LDLRAD4: variants seen among roughly 807,000 people sequenced by gnomAD.
LDLRAD4 encodes low-density lipoprotein receptor class A domain-containing protein 4.
Under a neutral mutation model 17.0 loss-of-function variants are expected in LDLRAD4, and 5 were observed. The ratio of observed to expected loss-of-function variants is 0.29; its 90% CI spans 0.15 to 0.62. LDLRAD4 has a LOEUF of 0.62. Among genes scored for constraint, LDLRAD4 ranks in the 20% least tolerant of loss-of-function variants. The pLI is 0.84. For synonymous variants in LDLRAD4, 168 were observed against 171.8 expected, an observed-to-expected ratio of 0.98 and a Z score of 0.17; for missense variants, 340 against 424.7, an observed-to-expected ratio of 0.80 and a Z score of 1.75.
intron 3 of LDLRAD4, among the ~76,000 whole-genome samples, chr18:13,591,687 G>C (rs1222867770): frequency 1.3e-5 from 2 of 152,124 alleles, no homozygotes; most frequent in Non-Finnish European, 2.9e-5. Context: ...CCGCAGATTG[G>C]ATGCAATCTG....
At chr18:13,320,906 G>T (rs1239675148) in intron 1 of LDLRAD4, among the ~76,000 whole-genome samples, 1 of 152,182 alleles carries the variant, frequency 6.6e-6, no homozygotes, top group African/African-American at 2.4e-5. Context: ...CCCTCCAGAA[G>T]GTGGCTCCTC....
At chr18:13,311,866 C>G (rs1282405107) in intron 1 of LDLRAD4, among the ~76,000 whole-genome samples, 1 of 145,978 alleles carries the variant, frequency 6.9e-6, no homozygotes, top group Non-Finnish European at 1.5e-5. Context: ...GAGTCTTGCT[C>G]TGTTGCCCAG....
intron 3 of LDLRAD4, among the ~76,000 whole-genome samples, chr18:13,527,818 G>T (rs746739236): frequency 6.6e-6 from 1 of 152,182 alleles, no homozygotes; most frequent in Non-Finnish European, 1.5e-5. Context: ...GGCCACCATG[G>T]CCTTCACAGA....
intron 3 of LDLRAD4, among the ~76,000 whole-genome samples, chr18:13,453,176 T>C (rs563289700): frequency 6.6e-6 from 1 of 152,266 alleles, no homozygotes; most frequent in East Asian, 1.9e-4. Context: ...AAACAGATGA[T>C]GGTGGACTTT....
At chr18:13,454,895 CAT>C (rs1384034762) in intron 3 of LDLRAD4, among the ~76,000 whole-genome samples, 1 of 152,272 alleles carries the variant, frequency 6.6e-6, no homozygotes, top group Non-Finnish European at 1.5e-5. Flanking sequence ...ATTCATCAGG[CAT>C]CCCACTTGGC....
chr18:13,499,884 C>T (rs146139000), intron 3 of LDLRAD4, among the ~76,000 whole-genome samples: 362 of 152,334 alleles, frequency 2.4e-3, no homozygotes, highest in African/African-American at 8.5e-3. Flanking sequence ...TCTCAGCTGT[C>T]CTTCCAGTAT....
At chr18:13,624,404 G>A (rs941697345) in intron 4 of LDLRAD4, among the ~76,000 whole-genome samples, 5 of 152,206 alleles carry the variant, frequency 3.3e-5, no homozygotes, top group Admixed American at 6.5e-5. Context: ...TGGACACTCC[G>A]CAGGAGCCAG....
chr18:13,391,672 A>G (rs2086283182), intron 2 of LDLRAD4, among the ~76,000 whole-genome samples: 1 of 94,180 alleles, frequency 1.1e-5, no homozygotes, highest in Non-Finnish European at 2.7e-5. Context: ...GGAAAGCGCA[A>G]GAGTCAAAAG....
At chr18:13,588,519 CA>C (rs2094964484) in intron 3 of LDLRAD4, among the ~76,000 whole-genome samples, 1 of 151,798 alleles carries the variant, frequency 6.6e-6, no homozygotes, top group Non-Finnish European at 1.5e-5. Context: ...AATATGTGAT[CA>C]AAACGATTCA....
intron 3 of LDLRAD4, among the ~76,000 whole-genome samples, chr18:13,445,932 T>C (rs1188446347): frequency 6.6e-6 from 1 of 152,192 alleles, no homozygotes; most frequent in Admixed American, 6.5e-5. Context: ...TCTGTGTACC[T>C]CGATTTTCTC....
chr18:13,499,366 G>T (rs779702315), intron 3 of LDLRAD4, among the ~76,000 whole-genome samples: 37 of 145,508 alleles, frequency 2.5e-4, no homozygotes, highest in Non-Finnish European at 4.9e-4. Context: ...TCCTGCCGTG[G>T]ACACTGGAGA....
chr18:13,522,036 A>G (rs1480909333), intron 3 of LDLRAD4: 1 of 151,856 alleles, frequency 6.6e-6, no homozygotes, highest in East Asian at 1.9e-4. Flanking sequence ...TTAGTTAACA[A>G]ATGCTACTTG....
intron 1 of LDLRAD4, among the ~76,000 whole-genome samples, chr18:13,348,915 T>C (rs1436940031): frequency 2.0e-5 from 3 of 152,156 alleles, no homozygotes; most frequent in South Asian, 2.1e-4. Context: ...GCTAAGACCA[T>C]TGGAAAAGCG....
chr18:13,328,624 G>A (rs374825034), intron 1 of LDLRAD4, among the ~76,000 whole-genome samples: 10 of 152,230 alleles, frequency 6.6e-5, no homozygotes, highest in East Asian at 1.9e-4. Flanking sequence ...TTTATTGAGC[G>A]TCAACTTTGT....
intron 3 of LDLRAD4, among the ~76,000 whole-genome samples, chr18:13,548,633 G>T (rs1470055520): frequency 1.3e-5 from 2 of 152,242 alleles, no homozygotes; most frequent in Non-Finnish European, 2.9e-5. Flanking sequence ...AAGCCTGCTG[G>T]GGCACGGGGT....
chr18:13,354,149 T>C (rs978741779), intron 1 of LDLRAD4, among the ~76,000 whole-genome samples: 1 of 152,194 alleles, frequency 6.6e-6, no homozygotes, highest in African/African-American at 2.4e-5. Flanking sequence ...TTCGAGGCTG[T>C]AGTGTGCCAT....
chr18:13,573,056 AC>A (rs1269819081), intron 3 of LDLRAD4, among the ~76,000 whole-genome samples: 1 of 152,170 alleles, frequency 6.6e-6, no homozygotes. Context: ...GGAAGGAGTT[AC>A]TGCTCTGAAA....
At chr18:13,429,880 C>A (rs2090209627) in intron 2 of LDLRAD4, among the ~76,000 whole-genome samples, 1 of 152,338 alleles carries the variant, frequency 6.6e-6, no homozygotes, top group African/African-American at 2.4e-5. Context: ...AGGCACCTCA[C>A]TTTATCATAG....
At chr18:13,525,766 A>T (rs1258095968) in intron 3 of LDLRAD4, among the ~76,000 whole-genome samples, 2 of 152,162 alleles carry the variant, frequency 1.3e-5, no homozygotes, top group Non-Finnish European at 2.9e-5. Flanking sequence ...TGGAAAACTA[A>T]AGCCCTTACT....
Sources: allele counts gnomAD v4.1 joint callset (sites outside exome capture counted in the v4.1 genomes callset), GRCh38; gene constraint gnomAD v4.1.1; transcripts MANE v1.5; gene names NCBI Gene and HGNC (gene_info 2026-07-23, HGNC 2026-07-21).